Variants in FGF12 observed in about 807,000 individuals in gnomAD.
FGF12 encodes the protein fibroblast growth factor 12B.
A neutral mutation model predicts 23.6 loss-of-function variants in FGF12; 14 were observed. The ratio of observed to expected loss-of-function variants is 0.59; its 90% CI spans 0.39 to 0.93. The LOEUF (loss-of-function observed/expected upper bound fraction) is 0.93, where lower values mean the gene tolerates loss of function less well. FGF12 is among the 40% of genes least tolerant of loss of function. FGF12 has a pLI of 0.00. For missense variants in FGF12, 175 were observed against 217.8 expected (o/e 0.80, Z 1.24); for synonymous variants, 62 against 77.3 (o/e 0.80, Z 1.04).
chr3:192,190,836 G>T (rs1553848053), intron 4 of FGF12, among the ~76,000 whole-genome samples: 1 of 152,142 alleles, frequency 6.6e-6, no homozygotes. Flanking sequence ...CCCATGAAAA[G>T]AATCAGAATA....
intron 4 of FGF12, among the ~76,000 whole-genome samples, chr3:192,264,601 C>A (rs180755728): frequency 1.3e-5 from 2 of 151,980 alleles, no homozygotes; most frequent in Non-Finnish European, 2.9e-5. Flanking sequence ...TATTATTACC[C>A]CCACTTTCCA....
chr3:192,293,324 C>A (rs1398937292), intron 4 of FGF12, among the ~76,000 whole-genome samples: 7 of 152,110 alleles, frequency 4.6e-5, no homozygotes, highest in Admixed American at 1.3e-4. Flanking sequence ...TTACCTGTTA[C>A]AATTCGTTAA....
intron 2 of FGF12, among the ~76,000 whole-genome samples, chr3:192,378,212 G>A (rs1357213621): frequency 6.7e-6 from 1 of 149,394 alleles, no homozygotes; most frequent in Admixed American, 6.6e-5. Flanking sequence ...CTGAGCTCAG[G>A]AGATTCTCCC....
rs779126205 is a variant in FGF12, at chr3:192,716,363, AT to A, written c.13+10817del. Among the ~76,000 whole-genome samples, 91 of 152,382 alleles carry A rather than the reference AT, an allele frequency of 6.0e-4. 1 individual carries two copies. The highest frequency in any genetic ancestry group is 9.6e-4 in the East Asian group (5 of 5,192). On this transcript the variant is annotated intron_variant, in intron 2 of 5. Coordinates refer to ENST00000445105, the MANE Select transcript of FGF12 (RefSeq NM_004113.6). The stretch of plus-strand genomic sequence containing the variant: ...TAGTCAGGTTCTTTCTTCTGAAGAA[AT>A]TAGACTTCATTGTAAGCCAGATAAT...
intron 2 of FGF12, among the ~76,000 whole-genome samples, chr3:192,617,321 A>G (rs2108644602): frequency 6.6e-6 from 1 of 152,186 alleles, no homozygotes; most frequent in South Asian, 2.1e-4. Flanking sequence ...TCAGAAGGAA[A>G]GTGGGGGAGG....
chr3:192,647,302 C>G (rs1716040888), intron 2 of FGF12, among the ~76,000 whole-genome samples: 2 of 151,992 alleles, frequency 1.3e-5, no homozygotes, highest in African/African-American at 2.4e-5. Flanking sequence ...GTTTTGGGTT[C>G]TATCTCACAT....
rs78743977 is a variant in FGF12, at chr3:192,468,054, G to A, written c.14-107516C>T. Reference sequence around the variant, plus strand: ...TTCCATGGTACACTCCCGACAGTGGGGAAGTCCTGACACGGAAATTCAAAC... The same window carrying A: ...TTCCATGGTACACTCCCGACAGTGGAGAAGTCCTGACACGGAAATTCAAAC... On this transcript the variant is annotated intron_variant, in intron 2 of 5. Coordinates refer to ENST00000445105, the MANE Select transcript of FGF12 (RefSeq NM_004113.6). Among the ~76,000 whole-genome samples, 897 of 152,314 alleles carry A rather than the reference G, an allele frequency of 5.9e-3. 7 individuals are homozygous for A. Among genetic ancestry groups the A allele is most frequent in the African/African-American group, 0.021 (855 of 41,562 alleles).
At chr3:192,232,321 G>A (rs977887642) in intron 4 of FGF12, among the ~76,000 whole-genome samples, 2 of 151,822 alleles carry the variant, frequency 1.3e-5, no homozygotes, top group South Asian at 4.2e-4. Flanking sequence ...TTGCTCTCTA[G>A]GAGCCACGTC....
chr3:192,231,035 A>T (rs1033307449), intron 4 of FGF12, among the ~76,000 whole-genome samples: 2 of 152,198 alleles, frequency 1.3e-5, no homozygotes, highest in Non-Finnish European at 1.5e-5. Flanking sequence ...GTCTCTAGAC[A>T]TTGCTAAATT....
chr3:192,267,182 T>G (rs945222976), intron 4 of FGF12: 4 of 152,048 alleles, frequency 2.6e-5, no homozygotes, highest in African/African-American at 4.8e-5. Context: ...CTTGGAAAGG[T>G]GATTTCGTCT....
At chr3:192,527,397 T>C (rs1047443722) in intron 2 of FGF12, among the ~76,000 whole-genome samples, 3 of 152,238 alleles carry the variant, frequency 2.0e-5, no homozygotes, top group Admixed American at 6.5e-5. Flanking sequence ...GAGAAGAGGT[T>C]CATAGTATTA....
intron 5 of FGF12, among the ~76,000 whole-genome samples, chr3:192,159,943 A>AGTGTGTGTGT (rs10575323): frequency 2.0e-5 from 3 of 149,324 alleles, no homozygotes; most frequent in African/African-American, 4.9e-5. Flanking sequence ...ATATTTAAGT[A>AGTGTGTGTGT]GTGTGTGTGT....
chr3:192,169,373 G>T (rs1005195478), intron 5 of FGF12, among the ~76,000 whole-genome samples: 4 of 152,046 alleles, frequency 2.6e-5, no homozygotes, highest in African/African-American at 9.7e-5. Context: ...AAAATATACT[G>T]CAGGAAAGAA....
At chr3:192,647,261 CAG>C (rs2108672605) in intron 2 of FGF12, among the ~76,000 whole-genome samples, 1 of 152,146 alleles carries the variant, frequency 6.6e-6, no homozygotes, top group South Asian at 2.1e-4. Flanking sequence ...AAAAATGAGG[CAG>C]AGTTATAACA....
At chr3:192,312,348 T>C (rs898156944) in intron 4 of FGF12, among the ~76,000 whole-genome samples, 2 of 152,082 alleles carry the variant, frequency 1.3e-5, no homozygotes, top group Non-Finnish European at 2.9e-5. Flanking sequence ...CTTTTTCATT[T>C]AGGTCTGTGA....
intron 2 of FGF12, among the ~76,000 whole-genome samples, chr3:192,677,123 T>G (rs1717352936): frequency 6.6e-6 from 1 of 152,136 alleles, no homozygotes; most frequent in Non-Finnish European, 1.5e-5. Flanking sequence ...TTGCTTGACT[T>G]TACGTAGCAT....
In FGF12 at chr3:192,439,898, C is replaced by A. The variant is rs549156793; in HGVS notation, c.14-79360G>T. 1.1e-3 allele frequency among the ~76,000 whole-genome samples: 163 copies of A among 151,616 alleles called. 2 individuals carry two copies. The South Asian group carries it at 0.019, about 18-fold the overall frequency. ...AGGCTGAGGCAGAGAACTGCTTGAACCCGGGAGGCAGAGGCTGCAGTGAGC... is the reference window on the plus strand; with the variant it reads ...AGGCTGAGGCAGAGAACTGCTTGAAACCGGGAGGCAGAGGCTGCAGTGAGC... On this transcript the variant is annotated intron_variant, in intron 2 of 5. Transcript: ENST00000445105.
rs533133700 is a variant in FGF12, at chr3:192,516,924, T to C, written c.14-156386A>G. ...ATTGGCTCATCTGGGATTCTACCCATAGAAATTCCCCACAGAGGGAGAGAC... is the reference window on the plus strand; with the variant it reads ...ATTGGCTCATCTGGGATTCTACCCACAGAAATTCCCCACAGAGGGAGAGAC... On this transcript the variant is annotated intron_variant, in intron 2 of 5. Coordinates refer to ENST00000445105, the MANE Select transcript of FGF12 (RefSeq NM_004113.6). The C allele has an allele frequency of 5.3e-5, 8 of 152,314 alleles. No homozygotes were observed. The East Asian group carries it at 1.2e-3, about 22-fold the overall frequency. 9.4% of individuals were successfully genotyped at this position (152,314 alleles called of 1,614,324 possible).
chr3:192,402,353 T>C (rs1720799244), intron 2 of FGF12, among the ~76,000 whole-genome samples: 1 of 152,208 alleles, frequency 6.6e-6, no homozygotes, highest in African/African-American at 2.4e-5. Flanking sequence ...GCCCAGCACA[T>C]AACAACATAG....
Sources: allele counts gnomAD v4.1 joint callset (sites outside exome capture counted in the v4.1 genomes callset), GRCh38; gene constraint gnomAD v4.1.1; transcripts MANE v1.5; gene names NCBI Gene and HGNC (gene_info 2026-07-23, HGNC 2026-07-21).